TRIM58: variants seen among roughly 807,000 people sequenced by gnomAD.
TRIM58 encodes the protein tripartite motif containing 58.
A neutral mutation model predicts 34.1 loss-of-function variants in TRIM58; 38 were observed. That is an observed-to-expected ratio of 1.12 (90% CI 0.86 to 1.46). The LOEUF (loss-of-function observed/expected upper bound fraction) is 1.46, where lower values mean the gene tolerates loss of function less well. TRIM58 is among the 40% of genes most tolerant of loss of function. The pLI, the probability that TRIM58 is intolerant of heterozygous loss-of-function variation, is 0.00. For missense variants in TRIM58, 677 were observed against 642.0 expected (o/e 1.05, Z -0.59); for synonymous variants, 273 against 275.7 (o/e 0.99, Z 0.10).
chr1:247,870,041 T>C (rs1659066336), intron 5 of TRIM58, among the ~76,000 whole-genome samples: 1 of 152,186 alleles, frequency 6.6e-6, no homozygotes, highest in African/African-American at 2.4e-5. Context: ...CAGTGGTTTG[T>C]GACTAAAGTC....
At chr1:247,861,178 T>C (rs555809199) in intron 2 of TRIM58, among the ~76,000 whole-genome samples, 104 of 152,318 alleles carry the variant, frequency 6.8e-4, no homozygotes, top group African/African-American at 2.4e-3. Flanking sequence ...CATTTTTTTA[T>C]ACCTCACTAG....
rs539689843 is a variant in TRIM58 at position 247,864,026 on chromosome 1, C to T, written c.517-679C>T. 1.1e-3 allele frequency among the ~76,000 whole-genome samples: 172 copies of T among 152,228 alleles called. 2 individuals are homozygous for T. Among genetic ancestry groups the T allele is most frequent in the South Asian group, 5.0e-3 (24 of 4,828 alleles). On this transcript the variant is annotated intron_variant, in intron 2 of 5. Coordinates refer to ENST00000366481, the MANE Select transcript of TRIM58 (RefSeq NM_015431.4). Reference sequence around the variant, plus strand: ...ACATTTCTTCATCATTCAGTTGTTTCTAGTGGTTCTAGCGACTGATCTAGT... The same window carrying T: ...ACATTTCTTCATCATTCAGTTGTTTTTAGTGGTTCTAGCGACTGATCTAGT...
intron 5 of TRIM58, among the ~76,000 whole-genome samples, chr1:247,869,057 G>A (rs1355881820): frequency 6.6e-6 from 1 of 152,100 alleles, no homozygotes; most frequent in African/African-American, 2.4e-5. Context: ...ATGCCACCAT[G>A]CCTGGCTAAT....
chr1:247,864,139 C>T (rs905786869), intron 2 of TRIM58, among the ~76,000 whole-genome samples: 2 of 151,990 alleles, frequency 1.3e-5, no homozygotes, highest in African/African-American at 4.8e-5. Context: ...TCCACATACT[C>T]CTCTTTTTCC....
At chr1:247,863,329 G>A (rs1663842500) in intron 2 of TRIM58, among the ~76,000 whole-genome samples, 1 of 152,124 alleles carries the variant, frequency 6.6e-6, no homozygotes, top group Non-Finnish European at 1.5e-5. Context: ...CGTGAGGTCA[G>A]GAGTTTGAGA....
rs932011689 is a variant in TRIM58 at position 247,877,190 on chromosome 1, A to G, written c.*701A>G. On this transcript the variant is annotated 3_prime_UTR_variant, in exon 6 of 6. Transcript: ENST00000366481. ...TGAATCTAATATCACTAACTCCTAG[A>G]CTTTTTCCGTTTTCTTTGGATACAC... 2 of 152,036 alleles carry G rather than the reference A, an allele frequency of 1.3e-5. No homozygotes were observed. Among genetic ancestry groups the G allele is most frequent in the Admixed American group, 1.3e-4 (2 of 15,280 alleles). The allele number at this position is 152,036 out of a possible 1,614,324, so 9.4% of individuals were successfully genotyped here. A position where few individuals can be genotyped will look rare whatever the true frequency, so the allele number is the denominator to read the frequency against.
intron 3 of TRIM58, 84 bp downstream of exon 3, chr1:247,865,019 T>C (rs572497010): frequency 2.3e-6 from 3 of 1,281,484 alleles, no homozygotes; most frequent in Admixed American, 5.4e-5. Context: ...ACAAACACTT[T>C]GGCGTTTATG....
At chr1:247,872,429 A>G (rs928918428) in intron 5 of TRIM58, among the ~76,000 whole-genome samples, 2 of 152,210 alleles carry the variant, frequency 1.3e-5, no homozygotes, top group African/African-American at 4.8e-5. Context: ...GATGTGCTAT[A>G]AACAGGAAGA....
chr1:247,864,891 G>A lies in TRIM58; in HGVS notation c.703G>A (p.Glu235Lys), dbSNP rs1302284143. The A allele has an allele frequency of 6.2e-7, 1 of 1,604,218 alleles. No homozygotes were observed. Among genetic ancestry groups the A allele is most frequent in the South Asian group, 1.1e-5 (1 of 89,684 alleles). Residue 235 changes from glutamate to lysine, a missense_variant, in exon 3 of 6, where the codon GAG becomes AAG. Physicochemically the swap from Glu to Lys is moderately conservative, Grantham distance 56. Transcript: ENST00000366481. Reference sequence around the variant, plus strand: ...CAAGGCCCTGAAGGAGCTGGCGGATGAGCTGCAGGAGAGGTGCCAGCGCCC... The same window carrying A: ...CAAGGCCCTGAAGGAGCTGGCGGATAAGCTGCAGGAGAGGTGCCAGCGCCC... ...QSKALKELADELQERCQRPAL... is the reference protein window; with the variant it reads ...QSKALKELADKLQERCQRPAL...
In TRIM58 at chr1:247,878,208, T is replaced by TA. The variant is rs1328951156; in HGVS notation, c.*1720dup. On this transcript the variant is annotated 3_prime_UTR_variant, in exon 6 of 6. Coordinates refer to ENST00000366481, the MANE Select transcript of TRIM58 (RefSeq NM_015431.4). ...ATAAATAAATAAATAAATAAATAAA[T>TA]ATTACACAAATGCTAAAATGTTTAA... 1 of 146,698 alleles carries TA rather than the reference T, an allele frequency of 6.8e-6. No homozygotes were observed. The highest frequency in any genetic ancestry group is 2.2e-4 in the South Asian group (1 of 4,622). The allele number at this position is 146,698 out of a possible 1,614,324, so 9.1% of individuals were successfully genotyped here. A position where few individuals can be genotyped will look rare whatever the true frequency, so the allele number is the denominator to read the frequency against.
In TRIM58 at chr1:247,878,347, TTTTTCTCTTCCAGGGAG is replaced by T. The variant is rs1659336867; in HGVS notation, c.*1859_*1875del. On this transcript the variant is annotated 3_prime_UTR_variant, in exon 6 of 6. Transcript: ENST00000366481. ...CCTCCTCAATTTGAAGTTCAAGATGTTTTTCTCTTCCAGGGAGATTTTTTCGACTGACATCTTTAACT... is the reference window on the plus strand; with the variant it reads ...CCTCCTCAATTTGAAGTTCAAGATGTATTTTTTCGACTGACATCTTTAACT... 6.6e-6 allele frequency: 1 copy of T among 152,152 alleles called. No individual in the cohort carries two copies. Among genetic ancestry groups the T allele is most frequent in the African/African-American group, 2.4e-5 (1 of 41,454 alleles). 9.4% of individuals were successfully genotyped at this position (152,152 alleles called of 1,614,324 possible).
chr1:247,861,156 A>G (rs1197501457), intron 2 of TRIM58, among the ~76,000 whole-genome samples: 2 of 152,248 alleles, frequency 1.3e-5, no homozygotes, highest in African/African-American at 2.4e-5. Context: ...TCATCTATAC[A>G]TACACATATT....
intron 2 of TRIM58, 87 bp from the exon 3 acceptor site, chr1:247,864,618 A>T: frequency 7.2e-7 from 1 of 1,392,294 alleles, no homozygotes; most frequent in Non-Finnish European, 9.9e-7. Context: ...AGCCCGGGGA[A>T]GTCTGGACAT....
chr1:247,872,027 G>C (rs749323654), intron 5 of TRIM58, among the ~76,000 whole-genome samples: 4 of 152,210 alleles, frequency 2.6e-5, no homozygotes. Context: ...TGGCAGGTGT[G>C]TTCCAGGAGC....
In TRIM58 at chr1:247,877,604, T is replaced by C. The variant is rs1659319811; in HGVS notation, c.*1115T>C. 1 of 151,640 alleles carries C rather than the reference T, an allele frequency of 6.6e-6. No homozygotes were observed. Among genetic ancestry groups the C allele is most frequent in the Admixed American group, 6.6e-5 (1 of 15,192 alleles). 9.4% of individuals were successfully genotyped at this position (151,640 alleles called of 1,614,324 possible). A position where few individuals can be genotyped will look rare whatever the true frequency, so the allele number is the denominator to read the frequency against. On this transcript the variant is annotated 3_prime_UTR_variant, in exon 6 of 6. Coordinates refer to ENST00000366481, the MANE Select transcript of TRIM58 (RefSeq NM_015431.4). ...AAGAAAAAAGACCTCAAACAACACTTCTCTCTCTCTTTTAGCTGCTTGTTA... is the reference window on the plus strand; with the variant it reads ...AAGAAAAAAGACCTCAAACAACACTCCTCTCTCTCTTTTAGCTGCTTGTTA...
rs773946277 is a variant in TRIM58 at position 247,857,610 on chromosome 1, C to T, written c.364C>T (p.Pro122Ser). The T allele has an allele frequency of 7.9e-7, 1 of 1,257,880 alleles. No homozygotes were observed. Among genetic ancestry groups the T allele is most frequent in the South Asian group, 3.1e-5 (1 of 32,464 alleles). 77.9% of individuals were successfully genotyped at this position (1,257,880 alleles called of 1,614,324 possible). A position where few individuals can be genotyped will look rare whatever the true frequency, so the allele number is the denominator to read the frequency against. Reference sequence around the variant, plus strand: ...GCTGTGCTGGGTGTGCGACGCCGGCCCCGAGCACAGGACGCACCGCACGGC... The same window carrying T: ...GCTGTGCTGGGTGTGCGACGCCGGCTCCGAGCACAGGACGCACCGCACGGC... Reference protein sequence around the residue: ...AALCWVCDAGPEHRTHRTAPL... With the variant: ...AALCWVCDAGSEHRTHRTAPL... Residue 122 changes from proline (P) to serine (S), a missense_variant, in exon 1 of 6, where the codon CCC becomes TCC. Transcript: ENST00000366481.
chr1:247,873,258 A>G (rs1182057542), intron 5 of TRIM58, among the ~76,000 whole-genome samples: 1 of 152,020 alleles, frequency 6.6e-6, no homozygotes, highest in Admixed American at 6.6e-5. Context: ...ACAAGTAACC[A>G]TTCATCAACA....
chr1:247,864,892 A>G lies in TRIM58; in HGVS notation c.704A>G (p.Glu235Gly). ...AAGGCCCTGAAGGAGCTGGCGGATG[A>G]GCTGCAGGAGAGGTGCCAGCGCCCG... The part of the protein sequence containing the change: ...QSKALKELAD[E>G]LQERCQRPAL... The change falls in exon 3 of 6, where the codon GAG becomes GGG. Residue 235 changes from glutamate to glycine, a missense_variant. Transcript: ENST00000366481. 1 of 1,604,296 alleles carries G rather than the reference A, an allele frequency of 6.2e-7. No individual in the cohort carries two copies. The highest frequency in any genetic ancestry group is 1.1e-5 in the South Asian group (1 of 89,696).
In TRIM58 at chr1:247,857,568, G is replaced by A; in HGVS notation, c.322G>A (p.Glu108Lys). ...RHGEDLSRFC[E>K]EDEAALCWVC... ...CGGCGAGGACCTGAGCCGCTTCTGC[G>A]AGGAGGACGAGGCGGCGCTGTGCTG... is the stretch of plus-strand genomic sequence containing the variant. Residue 108 changes from glutamate to lysine, a missense_variant, in exon 1 of 6, where the codon GAG becomes AAG. Glu to Lys is a moderately conservative substitution (Grantham distance 56, BLOSUM62 1). Coordinates refer to ENST00000366481, the MANE Select transcript of TRIM58 (RefSeq NM_015431.4). The A allele has an allele frequency of 2.4e-6, 3 of 1,267,090 alleles. No individual in the cohort carries two copies. Among genetic ancestry groups the A allele is most frequent in the Non-Finnish European group, 3.0e-6 (3 of 1,010,704 alleles). The allele number at this position is 1,267,090 out of a possible 1,614,324, so 78.5% of individuals were successfully genotyped here.
Sources: allele counts gnomAD v4.1 joint callset (sites outside exome capture counted in the v4.1 genomes callset), GRCh38; gene constraint gnomAD v4.1.1; transcripts MANE v1.5; gene names NCBI Gene and HGNC (gene_info 2026-07-23, HGNC 2026-07-21).